The following SLC19A1 variants were observed in gnomAD, a reference collection of about 807,000 sequenced individuals.
The protein encoded by SLC19A1 is reduced folate transporter.
SLC19A1 carries 37 observed loss-of-function variants against 35.3 expected under a neutral mutation model. The observed-to-expected ratio is 1.05, with a 90% CI of 0.81 to 1.38. The LOEUF (loss-of-function observed/expected upper bound fraction) is 1.38, where lower values mean the gene tolerates loss of function less well. SLC19A1 is among the 40% of genes most tolerant of loss of function. SLC19A1 has a pLI of 0.00. For synonymous variants in SLC19A1, 460 were observed against 398.5 expected (o/e 1.15, Z -1.84); for missense variants, 831 against 826.9 (o/e 1.00, Z -0.06).
chr21:45,534,688 C>A lies in SLC19A1; in HGVS notation c.190-2540G>T. On this transcript the variant is annotated intron_variant, in intron 2 of 5. Coordinates refer to ENST00000311124, the MANE Select transcript of SLC19A1 (RefSeq NM_194255.4). The surrounding 1 kb of genome is among the most constrained non-coding windows in gnomAD (Gnocchi z 4.2). ...ACCCAGAGCCCTCCCGCTCCTCTCC[C>A]TGCACCTCCTCAACGGCCCCTACTC... is the stretch of plus-strand genomic sequence containing the variant. 8.7e-7 allele frequency: 1 copy of A among 1,151,268 alleles called. No individual in the cohort carries two copies. The highest frequency in any genetic ancestry group is 1.2e-6 in the Non-Finnish European group (1 of 801,496). 71.3% of individuals were successfully genotyped at this position (1,151,268 alleles called of 1,614,324 possible).
chr21:45,509,895 C>T (rs1048504691), downstream of SLC19A1, among the ~76,000 whole-genome samples: 5 of 152,188 alleles, frequency 3.3e-5, no homozygotes, highest in South Asian at 2.1e-4. Flanking sequence ...GACCTGGCAG[C>T]GTATGGGGGC....
At chr21:45,538,990 C>T (rs959886805) in intron 1 of SLC19A1, among the ~76,000 whole-genome samples, 17 of 152,188 alleles carry the variant, frequency 1.1e-4, no homozygotes, top group Admixed American at 8.5e-4. Flanking sequence ...AAGGCTCCTC[C>T]GGTGCGGGCA....
intron 3 of SLC19A1, chr21:45,505,456 G>T: frequency 7.6e-7 from 1 of 1,312,244 alleles, no homozygotes; most frequent in Non-Finnish European, 1.1e-6. Flanking sequence ...AGCCGGCTGG[G>T]CACCTGCGTC....
chr21:45,558,832 T>A (rs1602964184), intron 1 of SLC19A1, among the ~76,000 whole-genome samples: 1 of 147,900 alleles, frequency 6.8e-6, no homozygotes, highest in South Asian at 2.1e-4. Flanking sequence ...TTTTTTGAGG[T>A]GGAGTCTGGC....
chr21:45,504,699 C>G, intron 3 of SLC19A1: 1 of 724,898 alleles, frequency 1.4e-6, no homozygotes, highest in Non-Finnish European at 2.3e-6. Flanking sequence ...TCCCTGTCCC[C>G]GTGTGGGGAC....
intron 5 of SLC19A1, among the ~76,000 whole-genome samples, chr21:45,525,426 A>G (rs2297291): frequency 0.55 from 84,428 of 152,170 alleles, 23,711 homozygotes; most frequent in Non-Finnish European, 0.6. Flanking sequence ...AGGCCTGCGC[A>G]CTGACACTGC....
chr21:45,553,547 C>T (rs1439274481), intron 1 of SLC19A1, among the ~76,000 whole-genome samples: 1 of 151,530 alleles, frequency 6.6e-6, no homozygotes, highest in African/African-American at 2.4e-5. Flanking sequence ...TGTTGTGCGG[C>T]CGTCACCCCC....
At chr21:45,524,230 C>T (rs1413529886) in intron 5 of SLC19A1, among the ~76,000 whole-genome samples, 2 of 68,524 alleles carry the variant, frequency 2.9e-5, no homozygotes, top group Non-Finnish European at 6.7e-5. Flanking sequence ...CACACCTGGG[C>T]CTCGGAGGCT....
rs2037826271 is a variant in SLC19A1, at chr21:45,515,112, C to G, written c.*546G>C. 1 of 1,543,052 alleles carries G rather than the reference C, an allele frequency of 6.5e-7. No homozygotes were observed. Among genetic ancestry groups the G allele is most frequent in the Non-Finnish European group, 8.7e-7 (1 of 1,144,758 alleles). Reference sequence around the variant, plus strand: ...TGTGTCTGCCGCCAACCTGAGATGGCTTTTCCACAGAGACAGAGAAGCCAC... The same window carrying G: ...TGTGTCTGCCGCCAACCTGAGATGGGTTTTCCACAGAGACAGAGAAGCCAC... On this transcript the variant is annotated 3_prime_UTR_variant, in exon 6 of 6. Coordinates refer to ENST00000311124, the MANE Select transcript of SLC19A1 (RefSeq NM_194255.4).
rs1374328256 is a variant in SLC19A1 at position 45,530,957 on chromosome 21, A to C, written c.964T>G (p.Phe322Val). Residue 322 changes from phenylalanine to valine, a missense_variant, in exon 4 of 6, where the codon TTC becomes GTC. Phe to Val is a conservative substitution (Grantham distance 50). Transcript: ENST00000311124. The surrounding 1 kb of genome is among the most constrained non-coding windows in gnomAD (Gnocchi z 5.3). ...CGGATCTTCACGAAGCCCGCGGCGAAGGACGTGATGGCGCCTGAGAGGGGA... is the reference window on the plus strand; with the variant it reads ...CGGATCTTCACGAAGCCCGCGGCGACGGACGTGATGGCGCCTGAGAGGGGA... ...ASTLLGAITS[F>V]AAGFVKIRWA... is the part of the protein sequence containing the mutation. 6.1e-6 allele frequency: 8 copies of C among 1,316,016 alleles called. No homozygotes were observed. Among genetic ancestry groups the C allele is most frequent in the Non-Finnish European group, 7.8e-6 (8 of 1,019,664 alleles). The allele number at this position is 1,316,016 out of a possible 1,614,324, so 81.5% of individuals were successfully genotyped here. A position where few individuals can be genotyped will look rare whatever the true frequency, so the allele number is the denominator to read the frequency against.
At chr21:45,555,013 C>T (rs62214331) in intron 1 of SLC19A1, among the ~76,000 whole-genome samples, 54,841 of 149,630 alleles carry the variant, frequency 0.37, 10,354 homozygotes, top group African/African-American at 0.47. Context: ...CCAGGTTATG[C>T]GTGGGGCCGC....
chr21:45,524,023 GA>G (rs1168822366), intron 5 of SLC19A1, among the ~76,000 whole-genome samples: 2 of 152,178 alleles, frequency 1.3e-5, no homozygotes, highest in Non-Finnish European at 2.9e-5. Flanking sequence ...GCCGGGCCTG[GA>G]CACATTCACC....
At chr21:45,504,167 G>A in intron 3 of SLC19A1, 2 of 1,259,138 alleles carry the variant, frequency 1.6e-6, no homozygotes, top group Non-Finnish European at 2.3e-6. Flanking sequence ...GTTCAGCCCT[G>A]CGAGGGGCGC....
At position 45,515,474 on chromosome 21, in the gene SLC19A1, G is replaced by A. The variant is rs1473340215; in HGVS notation, c.*184C>T. 2 of 1,494,748 alleles carry A rather than the reference G, an allele frequency of 1.3e-6. No homozygotes were observed. Among genetic ancestry groups the A allele is most frequent in the East Asian group, 2.3e-5 (1 of 43,560 alleles). 92.6% of individuals were successfully genotyped at this position (1,494,748 alleles called of 1,614,324 possible). The stretch of plus-strand genomic sequence containing the variant: ...GCAGGGACAGCATGGCCAGGCAGCT[G>A]CCCTGAGTGTCGCCAGCACGCTGTG... On this transcript the variant is annotated 3_prime_UTR_variant, in exon 6 of 6. Transcript: ENST00000311124.
At chr21:45,519,569 G>GAAA (rs1363946471) in intron 5 of SLC19A1, among the ~76,000 whole-genome samples, 1 of 16,144 alleles carries the variant, frequency 6.2e-5, no homozygotes. Flanking sequence ...AAACTTCTGA[G>GAAA]CAAAAAAAAA....
downstream of SLC19A1, chr21:45,510,371 C>G: frequency 8.0e-7 from 1 of 1,249,864 alleles, no homozygotes; most frequent in East Asian, 2.5e-5. Flanking sequence ...CACCATGTTA[C>G]AGACACTGGC....
chr21:45,534,786 A>G lies in SLC19A1; in HGVS notation c.190-2638T>C. The G allele has an allele frequency of 1.7e-6, 1 of 583,948 alleles. No homozygotes were observed. Among genetic ancestry groups the G allele is most frequent in the Non-Finnish European group, 3.0e-6 (1 of 329,794 alleles). 36.2% of individuals were successfully genotyped at this position (583,948 alleles called of 1,614,324 possible). On this transcript the variant is annotated intron_variant, in intron 2 of 5. Transcript: ENST00000311124. The surrounding 1 kb of genome is among the most constrained non-coding windows in gnomAD (Gnocchi z 4.2). ...AGCTGTGACCTGCGTCCCACTTACAAGGCTGCTGGGGGAGGGGCCCTCACA... is the reference window on the plus strand; with the variant it reads ...AGCTGTGACCTGCGTCCCACTTACAGGGCTGCTGGGGGAGGGGCCCTCACA...
chr21:45,505,569 A>G (rs1246223808), intron 3 of SLC19A1: 4 of 688,996 alleles, frequency 5.8e-6, no homozygotes, highest in East Asian at 5.4e-5. Flanking sequence ...CCAGGGTGGA[A>G]GCGGGGCCAG....
At chr21:45,558,302 C>T (rs2078583232) in intron 1 of SLC19A1, among the ~76,000 whole-genome samples, 1 of 152,266 alleles carries the variant, frequency 6.6e-6, no homozygotes, top group Admixed American at 6.5e-5. Flanking sequence ...AGCTGGGACT[C>T]GGACATGCTG....
Sources: gnomAD v4.1 joint callset for allele counts (sites outside exome capture counted in the v4.1 genomes callset) on GRCh38, gnomAD v4.1.1 for gene constraint, Gnocchi (gnomAD v3.1) non-coding constraint, MANE v1.5 for transcripts, NCBI Gene and HGNC (gene_info 2026-07-23, HGNC 2026-07-21) for gene names.